Variants in DNAH12 observed in about 807,000 individuals in gnomAD.
DNAH12 encodes the protein axonemal beta dynein heavy chain 12.
In DNAH12, 285 loss-of-function variants were observed where a neutral mutation model predicts 371.5. The ratio of observed to expected loss-of-function variants is 0.77; its 90% CI spans 0.70 to 0.85. The LOEUF (loss-of-function observed/expected upper bound fraction) is 0.85, where lower values mean the gene tolerates loss of function less well. DNAH12 is among the 40% of genes least tolerant of loss of function. The pLI is 0.00. For missense variants in DNAH12, 3,611 were observed against 3,689.4 expected, an observed-to-expected ratio of 0.98 and a Z score of 0.55; for synonymous variants, 1,200 against 1,213.0, an observed-to-expected ratio of 0.99 and a Z score of 0.22.
At chr3:57,467,582 T>C (rs1259430961) in intron 17 of DNAH12, among the ~76,000 whole-genome samples, 1 of 152,186 alleles carries the variant, frequency 6.6e-6, no homozygotes, top group Non-Finnish European at 1.5e-5. Context: ...GAATTAATGG[T>C]AGGCTATTTT....
rs905011815 is a variant in DNAH12 at position 57,375,799 on chromosome 3, C to A, written c.8613+19G>T. The A allele has an allele frequency of 3.9e-5, 6 of 152,200 alleles. No homozygotes were observed. The highest frequency in any genetic ancestry group is 3.3e-4 in the Admixed American group (5 of 15,276). 9.4% of individuals were successfully genotyped at this position (152,200 alleles called of 1,614,324 possible). On this transcript the variant is annotated intron_variant, in intron 54 of 73. Transcript: ENST00000495027. Reference sequence around the variant, plus strand: ...TTTGGATGTTCTAAAACAAGACTTACAAAATATAAAACCACTACCTTGCAC... The same window carrying A: ...TTTGGATGTTCTAAAACAAGACTTAAAAAATATAAAACCACTACCTTGCAC...
At chr3:57,308,328 C>G (rs976015483) in intron 69 of DNAH12, among the ~76,000 whole-genome samples, 10 of 152,112 alleles carry the variant, frequency 6.6e-5, no homozygotes, top group Non-Finnish European at 1.5e-4. Context: ...TCCTCAGGCT[C>G]TTAGTATTCA....
chr3:57,421,456 C>A, intron 36 of DNAH12, 62 bp downstream of exon 36: 1 of 1,502,532 alleles, frequency 6.7e-7, no homozygotes, highest in Admixed American at 2.1e-5. Context: ...AACCCAGGAG[C>A]TTTGTCTGCT....
At chr3:57,421,958 G>A (rs1198890442) in intron 35 of DNAH12, among the ~76,000 whole-genome samples, 1 of 135,630 alleles carries the variant, frequency 7.4e-6, no homozygotes, top group African/African-American at 3.0e-5. Flanking sequence ...CCAGGCTGGA[G>A]TACAGTGGCA....
At chr3:57,505,732 C>A (rs1437757667) in intron 8 of DNAH12, among the ~76,000 whole-genome samples, 1 of 151,676 alleles carries the variant, frequency 6.6e-6, no homozygotes, top group African/African-American at 2.4e-5. Flanking sequence ...TGAGCCACTG[C>A]GCCGAGCCTG....
chr3:57,419,116 G>A (rs994956591), intron 37 of DNAH12, among the ~76,000 whole-genome samples: 5 of 152,170 alleles, frequency 3.3e-5, no homozygotes, highest in East Asian at 1.9e-4. Context: ...TCAGTGTGCT[G>A]TTACAAATCA....
chr3:57,423,358 T>TA (rs1474045293), intron 35 of DNAH12, among the ~76,000 whole-genome samples: 1 of 152,214 alleles, frequency 6.6e-6, no homozygotes, highest in Non-Finnish European at 1.5e-5. Context: ...AGCTAAAACT[T>TA]AGTTTTGTAA....
At chr3:57,316,053 CTAGA>C (rs1355887525) in intron 65 of DNAH12, among the ~76,000 whole-genome samples, 1 of 151,928 alleles carries the variant, frequency 6.6e-6, no homozygotes, top group African/African-American at 2.4e-5. Flanking sequence ...GTCCTGTTAT[CTAGA>C]TATTCTAAAA....
intron 62 of DNAH12, among the ~76,000 whole-genome samples, chr3:57,330,706 AGT>A (rs2062075589): frequency 6.9e-6 from 1 of 145,830 alleles, no homozygotes; most frequent in Non-Finnish European, 1.5e-5. Context: ...TAAAACTTAA[AGT>A]ATAATAATTA....
At chr3:57,476,616 G>A (rs568321357) in intron 13 of DNAH12, among the ~76,000 whole-genome samples, 106 of 152,112 alleles carry the variant, frequency 7.0e-4, no homozygotes, top group Admixed American at 9.2e-4. Context: ...CAGAAGACAA[G>A]GGATTATGAT....
intron 11 of DNAH12, among the ~76,000 whole-genome samples, chr3:57,491,935 G>A (rs2067141591): frequency 6.6e-6 from 1 of 151,926 alleles, no homozygotes; most frequent in Non-Finnish European, 1.5e-5. Context: ...GAGCCCAGAA[G>A]GCAGAGGCTG....
chr3:57,420,102 TATTA>T (rs2064520219), intron 36 of DNAH12, among the ~76,000 whole-genome samples: 1 of 152,236 alleles, frequency 6.6e-6, no homozygotes, highest in Admixed American at 6.5e-5. Flanking sequence ...AGCATAGCTG[TATTA>T]ATTGTTATGA....
chr3:57,356,469 AAAT>A (rs2062802669), intron 59 of DNAH12, among the ~76,000 whole-genome samples: 1 of 148,872 alleles, frequency 6.7e-6, no homozygotes, highest in Non-Finnish European at 1.5e-5. Flanking sequence ...ATAAATAAAT[AAAT>A]AAATAAATAA....
rs72879606 is a variant in DNAH12 at position 57,403,333 on chromosome 3, C to T, written c.6924G>A (p.Met2308Ile). ...CCTTCATATCCTCTCTCCATTCATT[C>T]ATACCATAGCTCTTAGAAATTTCTG... ...FQPEISKSYG[M>I]NEWREDMKGL... Residue 2308 changes from methionine (M) to isoleucine (I), a missense_variant, in exon 43 of 74, where the codon ATG becomes ATA. Met to Ile is a conservative substitution (Grantham distance 10). Coordinates refer to ENST00000495027, the MANE Select transcript of DNAH12 (RefSeq NM_001366028.2). The T allele has an allele frequency of 1.6e-3, 2,425 of 1,549,542 alleles. 21 individuals are homozygous for T. In the African/African-American group the frequency reaches 0.027, roughly 17 times the overall value.
At chr3:57,406,356 CAAA>C (rs782271639) in intron 40 of DNAH12, among the ~76,000 whole-genome samples, 3 of 96,018 alleles carry the variant, frequency 3.1e-5, no homozygotes, top group Non-Finnish European at 6.8e-5. Flanking sequence ...GATTCTGCCT[CAAA>C]AAAAAAAAAA....
chr3:57,410,615 C>G (rs1410304627), intron 39 of DNAH12, among the ~76,000 whole-genome samples: 1 of 151,946 alleles, frequency 6.6e-6, no homozygotes, highest in East Asian at 1.9e-4. Flanking sequence ...GTCAGAAGAT[C>G]AAGACCAGCC....
intron 12 of DNAH12, among the ~76,000 whole-genome samples, chr3:57,484,783 C>G (rs7637447): frequency 0.17 from 25,986 of 152,064 alleles, 2,513 homozygotes; most frequent in African/African-American, 0.27. Context: ...TATTTGCAAA[C>G]TCTGCCTCCA....
intron 34 of DNAH12, among the ~76,000 whole-genome samples, chr3:57,427,845 C>T (rs2064828842): frequency 6.6e-6 from 1 of 152,060 alleles, no homozygotes; most frequent in East Asian, 1.9e-4. Context: ...GAAGTATAGC[C>T]CTCTACAAAC....
chr3:57,460,370 A>G (rs1305771304), intron 19 of DNAH12, among the ~76,000 whole-genome samples: 1 of 152,154 alleles, frequency 6.6e-6, no homozygotes, highest in Non-Finnish European at 1.5e-5. Context: ...AAATGAAATA[A>G]GCCTCCTTAT....
Sources: gnomAD v4.1 joint callset for allele counts (sites outside exome capture counted in the v4.1 genomes callset) on GRCh38, gnomAD v4.1.1 for gene constraint, MANE v1.5 for transcripts, NCBI Gene and HGNC (gene_info 2026-07-23, HGNC 2026-07-21) for gene names.